ZMYM1: variants seen among roughly 807,000 people sequenced by gnomAD.
The protein encoded by ZMYM1 is zinc finger MYM-type protein 1.
A neutral mutation model predicts 60.0 loss-of-function variants in ZMYM1; 39 were observed. That is an observed-to-expected ratio of 0.65 (90% CI 0.50 to 0.85). ZMYM1 has a LOEUF of 0.85. Among genes scored for constraint, ZMYM1 ranks in the 40% least tolerant of loss-of-function variants. The pLI, the probability that ZMYM1 is intolerant of heterozygous loss-of-function variation, is 0.00. For missense variants in ZMYM1, 1,171 were observed against 1,309.5 expected (o/e 0.89, Z 1.63); for synonymous variants, 413 against 454.0 (o/e 0.91, Z 1.15).
chr1:35,100,581 G>A lies in ZMYM1; in HGVS notation c.419+3015G>A, dbSNP rs11264062. Among the ~76,000 whole-genome samples, 688 of 150,274 alleles carry A rather than the reference G, an allele frequency of 4.6e-3. 7 individuals carry two copies. The highest frequency in any genetic ancestry group is 0.016 in the African/African-American group (654 of 40,714). On this transcript the variant is annotated intron_variant, in intron 4 of 9. Coordinates refer to ENST00000359858, the MANE Select transcript of ZMYM1 (RefSeq NM_024772.5). Reference sequence around the variant, plus strand: ...AGGTTGCAGTGAGCTGAGATTGTACGACTGCACTCCAGCCTGGGCAACGGA... The same window carrying A: ...AGGTTGCAGTGAGCTGAGATTGTACAACTGCACTCCAGCCTGGGCAACGGA...
Position 35,115,018 on chromosome 1 carries a change from T to G in ZMYM1, c.3188T>G (p.Ile1063Ser). 1.9e-6 allele frequency: 3 copies of G among 1,614,070 alleles called. No individual in the cohort carries two copies. Among genetic ancestry groups the G allele is most frequent in the Non-Finnish European group, 2.5e-6 (3 of 1,179,926 alleles). Residue 1063 changes from isoleucine to serine, a missense_variant, in exon 10 of 10, where the codon ATT becomes AGT. Coordinates refer to ENST00000359858, the MANE Select transcript of ZMYM1 (RefSeq NM_024772.5). ...ATTCAGCATGGTCTTCACAGTAATA[T>G]TCCTTGTCTCTCAAAGCTATTATAT... ...LFIQHGLHSN[I>S]PCLSKLLYIA...
chr1:35,117,613 T>C (rs1016121717), downstream of ZMYM1, among the ~76,000 whole-genome samples: 4 of 150,874 alleles, frequency 2.7e-5, no homozygotes, highest in African/African-American at 9.7e-5. Flanking sequence ...TAAGCCACCA[T>C]GCCCGGCCCT....
chr1:35,110,255 T>G, intron 6 of ZMYM1, 39 bp from the exon 7 acceptor site: 1 of 1,369,558 alleles, frequency 7.3e-7, no homozygotes, highest in Non-Finnish European at 9.5e-7. Flanking sequence ...CAACATATCA[T>G]ATACCAGGAA....
chr1:35,091,306 G>A (rs1289821609), intron 1 of ZMYM1, among the ~76,000 whole-genome samples: 3 of 151,918 alleles, frequency 2.0e-5, no homozygotes, highest in Non-Finnish European at 4.4e-5. Flanking sequence ...TCCGTCTCCC[G>A]GGTTCACACC....
chr1:35,105,400 G>A (rs1296888409), intron 6 of ZMYM1, among the ~76,000 whole-genome samples: 2 of 151,794 alleles, frequency 1.3e-5, no homozygotes, highest in Admixed American at 1.3e-4. Context: ...GCCTCCCAAA[G>A]TGCTGGGATT....
intron 6 of ZMYM1, among the ~76,000 whole-genome samples, chr1:35,106,791 T>C (rs1450967417): frequency 1.3e-5 from 2 of 152,134 alleles, no homozygotes; most frequent in East Asian, 3.9e-4. Context: ...TCCTTTTTTT[T>C]TCTTTCTTTC....
At chr1:35,099,512 A>T (rs1041466580) in intron 4 of ZMYM1, among the ~76,000 whole-genome samples, 3 of 152,196 alleles carry the variant, frequency 2.0e-5, no homozygotes, top group Non-Finnish European at 2.9e-5. Context: ...TACTTCCTCT[A>T]GAATAAAATT....
chr1:35,095,995 A>G (rs1322385868), intron 3 of ZMYM1, 104 bp downstream of exon 3: 1 of 888,434 alleles, frequency 1.1e-6, no homozygotes, highest in African/African-American at 1.7e-5. Flanking sequence ...GTTGGGTTTT[A>G]AGTCCAGGAG....
At chr1:35,094,674 C>T (rs1643213317) in intron 2 of ZMYM1, among the ~76,000 whole-genome samples, 1 of 152,048 alleles carries the variant, frequency 6.6e-6, no homozygotes, top group Non-Finnish European at 1.5e-5. Flanking sequence ...GATGACAAGA[C>T]CTTGTCTCTA....
At chr1:35,077,793 G>A (rs1227244832), upstream of ZMYM1, among the ~76,000 whole-genome samples, 1 of 152,136 alleles carries the variant, frequency 6.6e-6, no homozygotes, top group Non-Finnish European at 1.5e-5. Context: ...AATGCTCGAG[G>A]AGACTGATTT....
chr1:35,079,501 G>A (rs1325874732), intron 1 of ZMYM1, 59 bp downstream of exon 1: 1 of 152,272 alleles, frequency 6.6e-6, no homozygotes, highest in Admixed American at 6.5e-5. Flanking sequence ...ACTCGAAAGG[G>A]GCAGGGTTTC....
intron 1 of ZMYM1, among the ~76,000 whole-genome samples, chr1:35,065,791 C>T (rs1023352405): frequency 2.0e-5 from 3 of 151,800 alleles, no homozygotes; most frequent in Non-Finnish European, 4.4e-5. Context: ...ATGGATAAAC[C>T]TCTAGCAAGA....
In ZMYM1 at chr1:35,106,394, A is replaced by C. The variant is rs1293594547; in HGVS notation, c.807+1625A>C. Among the ~76,000 whole-genome samples, 3 of 152,218 alleles carry C rather than the reference A, an allele frequency of 2.0e-5. No homozygotes were observed. The East Asian group carries it at 5.8e-4, about 29-fold the overall frequency. On this transcript the variant is annotated intron_variant, in intron 6 of 9. Transcript: ENST00000359858. ...GAGGCCGAGGCTGGCCGATCACCTG[A>C]GGTCAGGAGTTGGAGACCAGCCTGG...
At chr1:35,110,059 A>G (rs1157192549) in intron 6 of ZMYM1, among the ~76,000 whole-genome samples, 1 of 152,170 alleles carries the variant, frequency 6.6e-6, no homozygotes, top group Non-Finnish European at 1.5e-5. Flanking sequence ...TACTGCTTTC[A>G]TAGGTATTAT....
chr1:35,075,950 A>C (rs889431910), upstream of ZMYM1, among the ~76,000 whole-genome samples: 4 of 152,124 alleles, frequency 2.6e-5, no homozygotes, highest in African/African-American at 9.7e-5. Context: ...ATTTCCCCTC[A>C]TACAACATAT....
At chr1:35,091,857 C>A (rs1643024379) in intron 1 of ZMYM1, among the ~76,000 whole-genome samples, 1 of 131,384 alleles carries the variant, frequency 7.6e-6, no homozygotes, top group Non-Finnish European at 1.5e-5. Context: ...GATAGTGCCA[C>A]TGCCTGAGTG....
intron 1 of ZMYM1, among the ~76,000 whole-genome samples, chr1:35,091,322 C>G (rs1642989611): frequency 6.6e-6 from 1 of 152,058 alleles, no homozygotes; most frequent in Non-Finnish European, 1.5e-5. Context: ...ACACCATTCT[C>G]CTGCCTCAGC....
rs1274159061 is a variant in ZMYM1, at chr1:35,072,817, C to T, written c.-300-6177C>T. 2.0e-5 allele frequency among the ~76,000 whole-genome samples: 3 copies of T among 152,134 alleles called. No individual in the cohort carries two copies. The East Asian group carries it at 5.8e-4, about 29-fold the overall frequency. On this transcript the variant is annotated intron_variant, in intron 1 of 10. Transcript: ENST00000417119. ...ACAAAAAAGGCTGGGAGCAGTGGCT[C>T]ATGCCTGTAATCCCAGCACTTTGGG...
Position 35,113,746 on chromosome 1 carries a change from A to T in ZMYM1, c.1916A>T (p.Asp639Val), listed in dbSNP as rs1187155730. Residue 639 changes from aspartate to valine, a missense_variant, in exon 10 of 10, where the codon GAC (aspartate) becomes GTC (valine). Coordinates refer to ENST00000359858, the MANE Select transcript of ZMYM1 (RefSeq NM_024772.5). ...CAGGATATTGTGAATGAGATCAATG[A>T]CTCCTCAGCATTTTCAATCATATGT... is the stretch of plus-strand genomic sequence containing the variant. Reference protein sequence around the residue: ...MLQDIVNEINDSSAFSIICDE... With the variant: ...MLQDIVNEINVSSAFSIICDE... The T allele has an allele frequency of 6.2e-7, 1 of 1,613,724 alleles. No individual in the cohort carries two copies. The highest frequency in any genetic ancestry group is 1.3e-5 in the African/African-American group (1 of 74,896).
Sources: allele counts gnomAD v4.1 joint callset (sites outside exome capture counted in the v4.1 genomes callset), GRCh38; gene constraint gnomAD v4.1.1; transcripts MANE v1.5; gene names NCBI Gene and HGNC (gene_info 2026-07-23, HGNC 2026-07-21).